Variants in WDR49 observed in about 807,000 individuals in gnomAD.
The protein encoded by WDR49 is cilia- and flagella-associated protein 337.
A neutral mutation model predicts 119.5 loss-of-function variants in WDR49; 107 were observed. That is an observed-to-expected ratio of 0.90 (90% CI 0.77 to 1.05). WDR49 has a LOEUF of 1.05. WDR49 is among the 50% of genes least tolerant of loss of function. WDR49 has a pLI of 0.00. For missense variants in WDR49, 1,240 were observed against 1,220.5 expected, an observed-to-expected ratio of 1.02 and a Z score of -0.24; for synonymous variants, 425 against 418.8, an observed-to-expected ratio of 1.01 and a Z score of -0.18.
intron 16 of WDR49, among the ~76,000 whole-genome samples, chr3:167,512,824 T>C (rs564388032): frequency 3.9e-5 from 6 of 152,200 alleles, no homozygotes; most frequent in South Asian, 4.1e-4. Flanking sequence ...CAAGTGTCAA[T>C]AGCTGAATAG....
intron 5 of WDR49, among the ~76,000 whole-genome samples, chr3:167,613,291 C>T (rs1471848995): frequency 2.0e-5 from 3 of 152,080 alleles, no homozygotes; most frequent in African/African-American, 7.2e-5. Context: ...AATAATAATG[C>T]AATTAATTCA....
chr3:167,569,975 C>T (rs1045869366), intron 8 of WDR49, among the ~76,000 whole-genome samples: 13 of 152,016 alleles, frequency 8.6e-5, no homozygotes, highest in Non-Finnish European at 1.5e-4. Flanking sequence ...TGTATCTGTT[C>T]GTACATGTAT....
intron 7 of WDR49, among the ~76,000 whole-genome samples, chr3:167,595,941 A>C (rs1214366096): frequency 2.9e-4 from 42 of 143,502 alleles, no homozygotes; most frequent in Admixed American, 1.3e-3. Context: ...CAACCTACAA[A>C]ATGGGAGAAA....
intron 2 of WDR49, among the ~76,000 whole-genome samples, chr3:167,627,813 A>G (rs947099444): frequency 6.6e-6 from 1 of 152,016 alleles, no homozygotes; most frequent in African/African-American, 2.4e-5. Flanking sequence ...GTACAGGCAT[A>G]TCTCCTTTTG....
intron 10 of WDR49, among the ~76,000 whole-genome samples, chr3:167,541,989 ACT>A (rs1464612689): frequency 6.6e-6 from 1 of 151,788 alleles, no homozygotes; most frequent in Non-Finnish European, 1.5e-5. Context: ...ACACCACTGC[ACT>A]CCACCCTGGG....
chr3:167,578,503 AAAG>A lies in WDR49; in HGVS notation c.1276-2355_1276-2353del, dbSNP rs1244308809. 7.2e-5 allele frequency among the ~76,000 whole-genome samples: 11 copies of A among 152,196 alleles called. No homozygotes were observed. The East Asian group carries it at 9.7e-4, about 13-fold the overall frequency. The stretch of plus-strand genomic sequence containing the variant: ...TATACAACTATATCTAGTGACTCAG[AAAG>A]AAGAAGAAAAATTACTAATACTCCT... On this transcript the variant is annotated intron_variant, in intron 7 of 18. Transcript: ENST00000682715.
rs1715396484 is a variant in WDR49 at position 167,595,832 on chromosome 3, C to A, written c.1275+6295G>T. 3.3e-5 allele frequency among the ~76,000 whole-genome samples: 5 copies of A among 151,488 alleles called. No homozygotes were observed. The South Asian group carries it at 1.0e-3, about 32-fold the overall frequency. ...GGGCAAGGACTTCATGTCTAAAACA[C>A]CAAAAGCAATGGCAACAAAAGCCAA... On this transcript the variant is annotated intron_variant, in intron 7 of 18. Transcript: ENST00000682715.
intron 7 of WDR49, 125 bp from the exon 8 acceptor site, chr3:167,576,276 G>A: frequency 1.4e-6 from 1 of 732,916 alleles, no homozygotes; most frequent in Non-Finnish European, 2.2e-6. Flanking sequence ...GCTATAATTG[G>A]TTCTCAATTC....
intron 17 of WDR49, 125 bp from the exon 18 acceptor site, chr3:167,500,424 G>C: frequency 8.6e-7 from 1 of 1,158,904 alleles, no homozygotes; most frequent in Non-Finnish European, 1.2e-6. Context: ...TTACTCAGCT[G>C]GTACAGCTGC....
intron 16 of WDR49, among the ~76,000 whole-genome samples, chr3:167,514,133 C>T (rs1445331608): frequency 6.6e-6 from 1 of 152,166 alleles, no homozygotes; most frequent in Non-Finnish European, 1.5e-5. Context: ...CAGAAATCTC[C>T]ACCCAAAAAC....
In WDR49 at chr3:167,575,951, G is replaced by T; in HGVS notation, c.1476C>A (p.Val492=). 6.2e-7 allele frequency: 1 copy of T among 1,614,124 alleles called. No homozygotes were observed. Among genetic ancestry groups the T allele is most frequent in the South Asian group, 1.1e-5 (1 of 91,054 alleles). The change falls in exon 8 of 19, where the codon GTC becomes GTA. Residue 492 remains valine, a synonymous_variant. Transcript: ENST00000682715. ...AGATAGAATTGTAAAGAACACAAGT[G>T]ACTGCTTTCTCATGGCTTTTCACCC... ...SKRVKSHEKA[V]TCVLYNSILK...
intron 2 of WDR49, among the ~76,000 whole-genome samples, chr3:167,628,863 T>C (rs567241151): frequency 6.6e-6 from 1 of 152,274 alleles, no homozygotes; most frequent in Non-Finnish European, 1.5e-5. Context: ...AAGCTTCAAA[T>C]GGCAGACTGA....
At chr3:167,610,944 T>TA (rs771862093) in intron 5 of WDR49, among the ~76,000 whole-genome samples, 63 of 152,150 alleles carry the variant, frequency 4.1e-4, no homozygotes, top group Non-Finnish European at 6.5e-4. Flanking sequence ...TCTGAAATGC[T>TA]AAGAATACTT....
At chr3:167,595,395 G>A (rs1002370977) in intron 7 of WDR49, among the ~76,000 whole-genome samples, 4 of 152,110 alleles carry the variant, frequency 2.6e-5, no homozygotes, top group Non-Finnish European at 5.9e-5. Context: ...AACCAAAAAA[G>A]AGCCCGCATT....
At chr3:167,491,349 C>T (rs1303929748) in intron 18 of WDR49, among the ~76,000 whole-genome samples, 1 of 152,102 alleles carries the variant, frequency 6.6e-6, no homozygotes, top group South Asian at 2.1e-4. Flanking sequence ...AGAAATCTCT[C>T]TACATTTTCA....
intron 17 of WDR49, among the ~76,000 whole-genome samples, chr3:167,501,927 A>G (rs1751586109): frequency 6.6e-6 from 1 of 152,194 alleles, no homozygotes; most frequent in African/African-American, 2.4e-5. Flanking sequence ...CAGGTACTTC[A>G]CACATATTTT....
chr3:167,625,045 T>G (rs989750643), intron 3 of WDR49, among the ~76,000 whole-genome samples: 5 of 152,016 alleles, frequency 3.3e-5, no homozygotes, highest in African/African-American at 1.2e-4. Flanking sequence ...ATCTACTCCA[T>G]GGTGATTTTG....
chr3:167,654,605 G>C (rs1338614201), upstream of WDR49, among the ~76,000 whole-genome samples: 1 of 152,130 alleles, frequency 6.6e-6, no homozygotes, highest in African/African-American at 2.4e-5. Context: ...TACTGATAAA[G>C]AAGCAAAAAG....
In WDR49 at chr3:167,604,455, T is replaced by C; in HGVS notation, c.972A>G (p.Ala324=). 2 of 1,610,124 alleles carry C rather than the reference T, an allele frequency of 1.2e-6. No homozygotes were observed. The highest frequency in any genetic ancestry group is 1.7e-6 in the Non-Finnish European group (2 of 1,178,606). The change falls in exon 6 of 19, where the codon GCA becomes GCG. Residue 324 remains alanine (A), a synonymous_variant. Coordinates refer to ENST00000682715, the MANE Select transcript of WDR49 (RefSeq NM_001366157.1). ...TACTGGAAATGATAGCGTCTAAAGA[T>C]GCATTGTAAGTAACTGATAAAAAAT... ...GDWVRQVTYN[A]SLDAIISSTT... is the part of the protein sequence containing the mutation.
Sources: allele counts gnomAD v4.1 joint callset (sites outside exome capture counted in the v4.1 genomes callset), GRCh38; gene constraint gnomAD v4.1.1; transcripts MANE v1.5; gene names NCBI Gene and HGNC (gene_info 2026-07-23, HGNC 2026-07-21).